Variants in PDGFRA observed in about 807,000 individuals in gnomAD.
PDGFRA encodes platelet-derived growth factor receptor alpha.
In PDGFRA, 25 loss-of-function variants were observed where a neutral mutation model predicts 121.5. That is an observed-to-expected ratio of 0.21 (90% CI 0.15 to 0.29). PDGFRA has a LOEUF of 0.29. Ranked by LOEUF, PDGFRA falls within the 10% of genes least tolerant of loss-of-function variation. PDGFRA has a pLI of 1.00. For synonymous variants in PDGFRA, 463 were observed against 494.8 expected (o/e 0.94, Z 0.85); for missense variants, 1,008 against 1,345.1 (o/e 0.75, Z 3.92).
rs2110308046 is a variant in PDGFRA, at chr4:54,277,374, C to T, written c.1787-14C>T. On this transcript the variant is annotated splice_polypyrimidine_tract_variant and intron_variant, in intron 12 of 22. Transcript: ENST00000257290. ...CTGGAGTTTTTGGGTGTTAATGATT[C>T]TGCCTGCCCACAGGTCGGGTCTTGG... The T allele has an allele frequency of 1.3e-6, 2 of 1,598,304 alleles. No individual in the cohort carries two copies. Among genetic ancestry groups the T allele is most frequent in the Non-Finnish European group, 1.7e-6 (2 of 1,165,982 alleles).
intron 1 of PDGFRA, among the ~76,000 whole-genome samples, chr4:54,243,307 T>G (rs1469533005): frequency 4.6e-5 from 7 of 152,212 alleles, no homozygotes; most frequent in Admixed American, 1.3e-4. Flanking sequence ...GAAATGTTGC[T>G]AAGAGTTAAC....
intron 3 of PDGFRA, among the ~76,000 whole-genome samples, chr4:54,262,656 A>G (rs768145609): frequency 6.6e-6 from 1 of 152,092 alleles, no homozygotes; most frequent in Non-Finnish European, 1.5e-5. Context: ...TCTTATTCAT[A>G]TGAACCTTCC....
chr4:54,271,283 T>C (rs1389497240), intron 8 of PDGFRA, among the ~76,000 whole-genome samples: 2 of 152,200 alleles, frequency 1.3e-5, no homozygotes, highest in African/African-American at 2.4e-5. Context: ...GTCCCAGCCA[T>C]GAGCCAGGTG....
chr4:54,237,604 A>T (rs1721084377), intron 1 of PDGFRA, among the ~76,000 whole-genome samples: 1 of 152,206 alleles, frequency 6.6e-6, no homozygotes, highest in South Asian at 2.1e-4. Flanking sequence ...AATTGTGGTA[A>T]ATCAGGCTGG....
intron 1 of PDGFRA, among the ~76,000 whole-genome samples, chr4:54,242,486 G>A (rs1019345578): frequency 1.3e-5 from 2 of 151,926 alleles, no homozygotes; most frequent in African/African-American, 4.8e-5. Context: ...ATTTTTTAAA[G>A]GACCTCTATA....
rs761055910 is a variant in PDGFRA at position 54,261,315 on chromosome 4, C to T, written c.270C>T (p.Ala90=). The T allele has an allele frequency of 1.2e-6, 2 of 1,613,980 alleles. No homozygotes were observed. Among genetic ancestry groups the T allele is most frequent in the Non-Finnish European group, 1.7e-6 (2 of 1,179,966 alleles). ...TGACGGTCTTGGAAGTGAGCAGTGC[C>T]TCGGCGGCCCACACAGGGTTGTACA... ...LFVTVLEVSS[A]SAAHTGLYTC... Residue 90 remains alanine, a synonymous_variant, in exon 3 of 23, where the codon GCC becomes GCT. Transcript: ENST00000257290.
intron 12 of PDGFRA, 29 bp downstream of exon 12, chr4:54,275,002 C>A (rs1577727100): frequency 6.2e-7 from 1 of 1,612,822 alleles, no homozygotes; most frequent in Admixed American, 1.7e-5. Flanking sequence ...CCTCCCAAGA[C>A]TCCCTTTTCC....
intron 1 of PDGFRA, chr4:54,240,192 C>T (rs1721226518): frequency 9.6e-6 from 2 of 208,018 alleles, no homozygotes; most frequent in South Asian, 1.1e-4. Flanking sequence ...GACTTCTCTG[C>T]TCTTCAGGCT....
chr4:54,278,090 C>A, intron 14 of PDGFRA, 84 bp downstream of exon 14: 1 of 853,456 alleles, frequency 1.2e-6, no homozygotes, highest in Non-Finnish European at 2.0e-6. Flanking sequence ...ATCCTCCACT[C>A]TCCATCCCCA....
intron 22 of PDGFRA, among the ~76,000 whole-genome samples, chr4:54,291,900 G>A (rs539779804): frequency 6.6e-6 from 1 of 152,162 alleles, no homozygotes; most frequent in Admixed American, 6.5e-5. Flanking sequence ...CAGTAGACTG[G>A]ATAAAGAACA....
chr4:54,243,414 T>A lies in PDGFRA; in HGVS notation c.-13+13999T>A, dbSNP rs149342854. ...TTTTTGGTAAAAGATTATAGGAAGG[T>A]GTGCCAGTATAGTTTTTTATTTTGC... is the stretch of plus-strand genomic sequence containing the variant. On this transcript the variant is annotated intron_variant, in intron 1 of 22. Transcript: ENST00000257290. 1.2e-3 allele frequency among the ~76,000 whole-genome samples: 177 copies of A among 152,294 alleles called. No individual in the cohort carries two copies. The East Asian group carries it at 0.028, about 24-fold the overall frequency.
intron 1 of PDGFRA, chr4:54,240,041 C>A (rs112739463): frequency 1.2e-5 from 5 of 419,518 alleles, no homozygotes; most frequent in Admixed American, 2.5e-5. Flanking sequence ...TTTGTAGAGA[C>A]GGGGTTTTGC....
intron 1 of PDGFRA, among the ~76,000 whole-genome samples, chr4:54,258,143 T>A (rs1454395825): frequency 6.6e-6 from 1 of 152,166 alleles, no homozygotes; most frequent in East Asian, 1.9e-4. Context: ...TTGCTCCTCC[T>A]TTCATGCTTG....
At chr4:54,286,077 A>C in intron 18 of PDGFRA, 114 bp downstream of exon 18, 2 of 1,095,410 alleles carry the variant, frequency 1.8e-6, no homozygotes, top group Non-Finnish European at 2.8e-6. Flanking sequence ...AATAGATTTC[A>C]AGGGGTCAGT....
chr4:54,281,682 C>A (rs775379658), intron 16 of PDGFRA: 14 of 1,362,144 alleles, frequency 1.0e-5, no homozygotes, highest in South Asian at 6.1e-5. Flanking sequence ...CCTTCCGTGA[C>A]TATCTGAAAA....
At chr4:54,250,044 G>A (rs1045190815) in intron 1 of PDGFRA, among the ~76,000 whole-genome samples, 11 of 152,194 alleles carry the variant, frequency 7.2e-5, no homozygotes, top group Non-Finnish European at 1.0e-4. Context: ...TAATGCAAAC[G>A]TGAAATGTGG....
rs558288685 is a variant in PDGFRA, at chr4:54,278,770, G to C, written c.2156+255G>C. ...TGAGAGTGAGTTAGAATGACTCTGG[G>C]AGCTCTTCTGCTATTTACATGTGAT... On this transcript the variant is annotated intron_variant, in intron 15 of 22. Coordinates refer to ENST00000257290, the MANE Select transcript of PDGFRA (RefSeq NM_006206.6). The C allele has an allele frequency of 8.6e-5, 54 of 627,734 alleles. 1 individual carries two copies. The highest frequency in any genetic ancestry group is 7.9e-4 in the South Asian group (52 of 65,576). The allele number at this position is 627,734 out of a possible 1,614,324, so 38.9% of individuals were successfully genotyped here.
rs551698300 is a variant in PDGFRA at position 54,295,621 on chromosome 4, G to A, written c.*349G>A. On this transcript the variant is annotated 3_prime_UTR_variant, in exon 23 of 23. Transcript: ENST00000257290. ...TATACTGCGACAGAACTTCAGCATT[G>A]TAATTATGTAAATAACTCTAACCAA... 1.0e-4 allele frequency: 40 copies of A among 397,814 alleles called. No homozygotes were observed. The highest frequency in any genetic ancestry group is 7.9e-4 in the African/African-American group (40 of 50,650). 24.6% of individuals were successfully genotyped at this position (397,814 alleles called of 1,614,324 possible).
At chr4:54,278,240 A>C (rs1254889699) in intron 14 of PDGFRA, 122 bp from the exon 15 acceptor site, 10 of 695,504 alleles carry the variant, frequency 1.4e-5, no homozygotes, top group African/African-American at 7.3e-5. Flanking sequence ...AAAAAAAAAA[A>C]AAAAAAAAAA....
Sources: gnomAD v4.1 joint callset for allele counts (sites outside exome capture counted in the v4.1 genomes callset) on GRCh38, gnomAD v4.1.1 for gene constraint, MANE v1.5 for transcripts, NCBI Gene and HGNC (gene_info 2026-07-23, HGNC 2026-07-21) for gene names.